The following TRAF3 variants were observed in gnomAD, a reference collection of about 807,000 sequenced individuals.
TRAF3 encodes the protein TNF receptor-associated factor 3.
TRAF3 carries 13 observed loss-of-function variants against 62.3 expected under a neutral mutation model. The ratio of observed to expected loss-of-function variants is 0.21; its 90% CI spans 0.14 to 0.33. The LOEUF (loss-of-function observed/expected upper bound fraction) is 0.33, where lower values mean the gene tolerates loss of function less well. Among genes scored for constraint, TRAF3 ranks in the 10% least tolerant of loss-of-function variants. The probability of loss-of-function intolerance (pLI) is 1.00; values close to 1 mark genes in which losing one functional copy is unlikely to be tolerated. For missense variants in TRAF3, 440 were observed against 741.8 expected, an observed-to-expected ratio of 0.59 and a Z score of 4.73; for synonymous variants, 269 against 283.4, an observed-to-expected ratio of 0.95 and a Z score of 0.51.
chr14:102,837,885 A>G (rs2139663626), intron 2 of TRAF3, among the ~76,000 whole-genome samples: 1 of 152,328 alleles, frequency 6.6e-6, no homozygotes, highest in South Asian at 2.1e-4. Flanking sequence ...TAATTGTTTT[A>G]GTTCCTCAAC....
At chr14:102,828,952 G>C (rs554966742) in intron 1 of TRAF3, among the ~76,000 whole-genome samples, 4 of 152,320 alleles carry the variant, frequency 2.6e-5, no homozygotes, top group African/African-American at 9.6e-5. Flanking sequence ...CTCAGCCACT[G>C]GCTGTAGATG....
At chr14:102,848,720 C>T (rs568680393) in intron 2 of TRAF3, among the ~76,000 whole-genome samples, 3 of 152,182 alleles carry the variant, frequency 2.0e-5, no homozygotes, top group Non-Finnish European at 4.4e-5. Flanking sequence ...TTTCCCCATC[C>T]CTTTTTTCCT....
At chr14:102,784,662 T>G (rs1252457854) in intron 1 of TRAF3, among the ~76,000 whole-genome samples, 1 of 152,174 alleles carries the variant, frequency 6.6e-6, no homozygotes, top group Non-Finnish European at 1.5e-5. Flanking sequence ...CTGATCTCTG[T>G]TTTCAAGGAG....
chr14:102,783,527 T>C (rs1897352459), intron 1 of TRAF3, among the ~76,000 whole-genome samples: 1 of 152,250 alleles, frequency 6.6e-6, no homozygotes, highest in Non-Finnish European at 1.5e-5. Flanking sequence ...GAGGCTTTTC[T>C]GTGTGACTTT....
In TRAF3 at chr14:102,903,300, G is replaced by C; in HGVS notation, c.1006G>C (p.Glu336Gln). The stretch of plus-strand genomic sequence containing the variant: ...AGAGAAACTGAAGGAGCTTGACAAG[G>C]AGATCCGGCCCTTCCGGCAGAACTG... The part of the protein sequence containing the change: ...QAEKLKELDK[E>Q]IRPFRQNWEE... Residue 336 changes from glutamate to glutamine, a missense_variant, in exon 11 of 12, where the codon GAG (glutamate) becomes CAG (glutamine). This residue lies in a region of TRAF3 where 255 missense variants were observed against 424.1 expected (regional missense o/e 0.60). Transcript: ENST00000392745. The surrounding 1 kb of genome is among the most constrained non-coding windows in gnomAD (Gnocchi z 6.4). 6.2e-7 allele frequency: 1 copy of C among 1,614,252 alleles called. No homozygotes were observed. The highest frequency in any genetic ancestry group is 8.5e-7 in the Non-Finnish European group (1 of 1,180,050).
chr14:102,871,772 T>A, intron 3 of TRAF3, 145 bp from the exon 4 acceptor site: 1 of 743,190 alleles, frequency 1.3e-6, no homozygotes, highest in Non-Finnish European at 2.4e-6. Flanking sequence ...CTATGTAAAG[T>A]GAATCACCAG....
At chr14:102,901,765 A>G (rs779089880) in intron 10 of TRAF3, among the ~76,000 whole-genome samples, 1 of 152,252 alleles carries the variant, frequency 6.6e-6, no homozygotes, top group Non-Finnish European at 1.5e-5. Context: ...CAGACCTGTC[A>G]TGTTTGTGTC....
chr14:102,897,315 C>T lies in TRAF3; in HGVS notation c.874C>T (p.His292Tyr), dbSNP rs1566806030. ...AAAAAACAAGAGCATACAAAGTTTG[C>T]ACAATCAGATATGTAGCTTTGAAAT... The part of the protein sequence containing the change: ...VEKNKSIQSL[H>Y]NQICSFEIEI... The change falls in exon 10 of 12, where the codon CAC becomes TAC. Residue 292 changes from histidine (H) to tyrosine (Y), a missense_variant. Around this residue, in one of 6 missense-constraint regions of TRAF3, gnomAD observed 255 missense variants for 424.1 expected, o/e 0.60. Transcript: ENST00000392745. The T allele has an allele frequency of 1.2e-6, 2 of 1,613,596 alleles. No homozygotes were observed. Among genetic ancestry groups the T allele is most frequent in the African/African-American group, 2.7e-5 (2 of 74,846 alleles).
rs1897058169 is a variant in TRAF3, at chr14:102,777,514, G to A, written c.-318G>A. The A allele has an allele frequency of 6.9e-6, 1 of 145,010 alleles. No individual in the cohort carries two copies. The highest frequency in any genetic ancestry group is 6.8e-5 in the Admixed American group (1 of 14,706). The allele number at this position is 145,010 out of a possible 1,614,324, so 9.0% of individuals were successfully genotyped here. ...CGCGGCCGCCGCGTGCGCGAGCCGG[G>A]GTTGCAGCCCAGCCGGGACTTTCCA... On this transcript the variant is annotated 5_prime_UTR_variant, in exon 1 of 12. Transcript: ENST00000392745.
intron 1 of TRAF3, among the ~76,000 whole-genome samples, chr14:102,790,054 C>T (rs949568459): frequency 1.3e-5 from 2 of 152,168 alleles, no homozygotes; most frequent in African/African-American, 4.8e-5. Context: ...TCTAGAACCC[C>T]TGGCCTCAAG....
chr14:102,808,154 C>A (rs548913169), intron 1 of TRAF3, among the ~76,000 whole-genome samples: 3 of 152,220 alleles, frequency 2.0e-5, no homozygotes, highest in Admixed American at 1.3e-4. Flanking sequence ...TTGGCCACGT[C>A]CCTGGTTTGC....
intron 6 of TRAF3, among the ~76,000 whole-genome samples, chr14:102,878,340 G>A (rs1272899284): frequency 6.7e-6 from 1 of 148,914 alleles, no homozygotes; most frequent in East Asian, 2.0e-4. Context: ...GTGAGTGTGT[G>A]AATGTGGGTG....
At chr14:102,836,776 G>C (rs1203256285) in intron 2 of TRAF3, among the ~76,000 whole-genome samples, 1 of 152,208 alleles carries the variant, frequency 6.6e-6, no homozygotes, top group Non-Finnish European at 1.5e-5. Context: ...CTCTTATCTA[G>C]CTATAAAAAT....
intron 1 of TRAF3, among the ~76,000 whole-genome samples, chr14:102,785,321 C>T (rs1416860406): frequency 1.3e-5 from 2 of 152,196 alleles, no homozygotes; most frequent in Non-Finnish European, 2.9e-5. Context: ...TCTCCTTTGA[C>T]ACATTTGGAT....
At chr14:102,848,047 G>GA (rs1476133715) in intron 2 of TRAF3, among the ~76,000 whole-genome samples, 1 of 152,142 alleles carries the variant, frequency 6.6e-6, no homozygotes, top group African/African-American at 2.4e-5. Context: ...CCACTGCAAG[G>GA]AAGGCACAGG....
intron 1 of TRAF3, among the ~76,000 whole-genome samples, chr14:102,789,739 T>A (rs2139405198): frequency 6.6e-6 from 1 of 152,302 alleles, no homozygotes; most frequent in East Asian, 1.9e-4. Context: ...TCTTTTCATG[T>A]GACTCTTGGC....
intron 2 of TRAF3, among the ~76,000 whole-genome samples, chr14:102,835,310 A>G (rs1244922928): frequency 6.7e-6 from 1 of 148,646 alleles, no homozygotes; most frequent in Non-Finnish European, 1.5e-5. Context: ...GGTGGAGTGT[A>G]AACTAGTTCA....
At chr14:102,818,801 G>T (rs1484734411) in intron 1 of TRAF3, among the ~76,000 whole-genome samples, 2 of 152,038 alleles carry the variant, frequency 1.3e-5, no homozygotes, top group Non-Finnish European at 2.9e-5. Context: ...TTTCAAAATT[G>T]CTAAAGAGTA....
chr14:102,816,879 C>T (rs1338812998), intron 1 of TRAF3, among the ~76,000 whole-genome samples: 2 of 152,170 alleles, frequency 1.3e-5, no homozygotes, highest in African/African-American at 2.4e-5. Flanking sequence ...CTGAATCTAG[C>T]GCATGCAGAC....
Sources: allele counts gnomAD v4.1 joint callset (sites outside exome capture counted in the v4.1 genomes callset), GRCh38; gene constraint gnomAD v4.1.1; regional missense constraint gnomAD v4.1.1; non-coding constraint Gnocchi (gnomAD v3.1); transcripts MANE v1.5; gene names NCBI Gene and HGNC (gene_info 2026-07-23, HGNC 2026-07-21).